Variants in ZC3H12B observed in about 807,000 individuals in gnomAD.
ZC3H12B encodes the protein zinc finger CCCH-type containing 12B, also known as probable ribonuclease ZC3H12B.
A neutral mutation model predicts 43.9 loss-of-function variants in ZC3H12B; 7 were observed. That is an observed-to-expected ratio of 0.16 (90% CI 0.09 to 0.30). ZC3H12B has a LOEUF of 0.30. ZC3H12B is among the 10% of genes least tolerant of loss of function. The probability of loss-of-function intolerance (pLI) is 1.00; values close to 1 mark genes in which losing one functional copy is unlikely to be tolerated. For missense variants in ZC3H12B, 475 were observed against 670.2 expected, an observed-to-expected ratio of 0.71 and a Z score of 3.22; for synonymous variants, 222 against 241.7, an observed-to-expected ratio of 0.92 and a Z score of 0.76.
chrX:65,103,489 C>T, the ZC3H12B span, among the ~76,000 whole-genome samples: 23 of 110,879 alleles, frequency 2.1e-4, no homozygotes, highest in African/African-American at 6.6e-4. Context: ...GGTGCTGAGG[C>T]GACATACATT....
chrX:65,369,393 T>A (rs2066215816), intron 2 of ZC3H12B, among the ~76,000 whole-genome samples: 2 of 112,026 alleles, frequency 1.8e-5, no homozygotes, highest in South Asian at 3.7e-4. Context: ...TTAAGCAGGT[T>A]ATTTGACTTG....
At chrX:65,240,012 A>G in the ZC3H12B span, among the ~76,000 whole-genome samples, 1 of 110,439 alleles carries the variant, frequency 9.1e-6, no homozygotes. Context: ...AACATCCTCT[A>G]TTTCATTTCA....
chrX:65,423,339 A>T (rs1171744992), intron 3 of ZC3H12B, among the ~76,000 whole-genome samples: 1 of 112,113 alleles, frequency 8.9e-6, no homozygotes, highest in East Asian at 2.8e-4. Flanking sequence ...ATGTGTCTTT[A>T]TAGTGGAATG....
the ZC3H12B span, among the ~76,000 whole-genome samples, chrX:65,348,687 GCA>G: frequency 1.3e-5 from 1 of 79,060 alleles, no homozygotes; most frequent in African/African-American, 5.7e-5. Flanking sequence ...CAAATGGCAA[GCA>G]AAAAAAAAAA....
the ZC3H12B span, among the ~76,000 whole-genome samples, chrX:65,125,767 G>C: frequency 9.0e-6 from 1 of 110,645 alleles, no homozygotes; most frequent in East Asian, 2.8e-4. Flanking sequence ...AGTTTGTTTT[G>C]TCTGATATAA....
chrX:65,103,591 G>A, the ZC3H12B span, among the ~76,000 whole-genome samples: 22 of 111,883 alleles, frequency 2.0e-4, no homozygotes, highest in Admixed American at 1.4e-3. Context: ...GATAATGTCC[G>A]TGAAATCTGC....
the ZC3H12B span, among the ~76,000 whole-genome samples, chrX:65,081,841 C>G: frequency 8.9e-6 from 1 of 111,872 alleles, no homozygotes; most frequent in African/African-American, 3.2e-5. Context: ...TTCTTTTTCT[C>G]AGCACATAGA....
chrX:65,447,670 A>G (rs2067396976), intron 3 of ZC3H12B, among the ~76,000 whole-genome samples: 1 of 112,165 alleles, frequency 8.9e-6, no homozygotes, highest in Admixed American at 9.5e-5. Flanking sequence ...GAATGGGAGA[A>G]AATATTTGCA....
At chrX:65,078,512 G>A in the ZC3H12B span, among the ~76,000 whole-genome samples, 2 of 111,915 alleles carry the variant, frequency 1.8e-5, no homozygotes, top group African/African-American at 6.5e-5. Flanking sequence ...CAGAATGAGG[G>A]CATAATCAAT....
At chrX:65,065,406 T>A in the ZC3H12B span, among the ~76,000 whole-genome samples, 26,676 of 111,229 alleles carry the variant, frequency 0.24, 7,702 homozygotes, top group African/African-American at 0.83. Context: ...TATGAAGCTT[T>A]GTTTGGCTGA....
At chrX:65,159,964 TA>T in the ZC3H12B span, among the ~76,000 whole-genome samples, 1 of 112,159 alleles carries the variant, frequency 8.9e-6, no homozygotes, top group African/African-American at 3.2e-5. Flanking sequence ...TGAGAAATTT[TA>T]GCATGAAGGG....
At chrX:65,043,749 T>G in the ZC3H12B span, among the ~76,000 whole-genome samples, 2 of 111,480 alleles carry the variant, frequency 1.8e-5, no homozygotes, top group African/African-American at 6.5e-5. Context: ...AATATCTGAT[T>G]TTTTCAAAAA....
chrX:65,102,855 G>A, the ZC3H12B span, among the ~76,000 whole-genome samples: 6 of 111,438 alleles, frequency 5.4e-5, no homozygotes, highest in African/African-American at 9.8e-5. Flanking sequence ...CCCCTGAACC[G>A]CAAACCCAGC....
At chrX:65,211,021 GTAAC>G in the ZC3H12B span, among the ~76,000 whole-genome samples, 1 of 61,548 alleles carries the variant, frequency 1.6e-5, no homozygotes, top group Non-Finnish European at 2.7e-5. Context: ...GTATACATAT[GTAAC>G]TAACCTGCAC....
chrX:65,477,866 G>C (rs1242983482), intron 3 of ZC3H12B, among the ~76,000 whole-genome samples: 1 of 105,934 alleles, frequency 9.4e-6, no homozygotes, highest in Non-Finnish European at 1.9e-5. Context: ...TGTACACTTG[G>C]TGATATATCA....
the ZC3H12B span, among the ~76,000 whole-genome samples, chrX:65,119,672 T>C: frequency 8.9e-6 from 1 of 111,882 alleles, no homozygotes; most frequent in Non-Finnish European, 1.9e-5. Flanking sequence ...TTGTCAATTT[T>C]GGCTTCTGTT....
At chrX:65,404,615 C>T (rs186434052) in intron 3 of ZC3H12B, among the ~76,000 whole-genome samples, 1 of 111,295 alleles carries the variant, frequency 9.0e-6, no homozygotes, top group African/African-American at 3.3e-5. Flanking sequence ...AAGAAAGTTA[C>T]TATATAATGA....
chrX:65,214,567 T>G, the ZC3H12B span, among the ~76,000 whole-genome samples: 1 of 111,848 alleles, frequency 8.9e-6, no homozygotes, highest in African/African-American at 3.2e-5. Context: ...CAGTCACATC[T>G]TCAGTCTCCA....
the ZC3H12B span, among the ~76,000 whole-genome samples, chrX:65,095,293 G>A: frequency 2.7e-5 from 3 of 111,858 alleles, no homozygotes; most frequent in African/African-American, 9.7e-5. Flanking sequence ...CATTCAAAGT[G>A]TAAGACAAAC....
Sources: gnomAD v4.1 joint callset for allele counts (sites outside exome capture counted in the v4.1 genomes callset) on GRCh38, gnomAD v4.1.1 for gene constraint, MANE v1.5 for transcripts, NCBI Gene and HGNC (gene_info 2026-07-23, HGNC 2026-07-21) for gene names.